Variants in WDR27 observed in about 807,000 individuals in gnomAD.
The protein encoded by WDR27 is WD repeat domain 27, also known as WD repeat-containing protein 27.
A neutral mutation model predicts 114.4 loss-of-function variants in WDR27; 100 were observed. The observed-to-expected ratio is 0.87, with a 90% confidence interval of 0.74 to 1.03. WDR27 has a LOEUF of 1.03. WDR27 is among the 50% of genes least tolerant of loss of function. The probability of loss-of-function intolerance (pLI) is 0.00; values close to 1 mark genes in which losing one functional copy is unlikely to be tolerated. For synonymous variants in WDR27, 449 were observed against 423.1 expected, an observed-to-expected ratio of 1.06 and a Z score of -0.75; for missense variants, 1,129 against 1,092.9, an observed-to-expected ratio of 1.03 and a Z score of -0.47.
chr6:169,502,345 C>CCGTA (rs1275076865), intron 25 of WDR27, among the ~76,000 whole-genome samples: 1 of 152,234 alleles, frequency 6.6e-6, no homozygotes, highest in East Asian at 1.9e-4. Context: ...ATGTGGCGTT[C>CCGTA]CGTACACGGA....
chr6:169,551,556 G>T (rs1456314938), intron 25 of WDR27, among the ~76,000 whole-genome samples: 1 of 151,932 alleles, frequency 6.6e-6, no homozygotes, highest in Non-Finnish European at 1.5e-5. Context: ...CCAACATGGT[G>T]AAACCCTGTC....
intron 7 of WDR27, 65 bp from the exon 8 acceptor site, chr6:169,664,351 A>G (rs897988184): frequency 1.7e-5 from 28 of 1,608,320 alleles, no homozygotes; most frequent in Middle Eastern, 1.7e-4. Flanking sequence ...AAGCAGCAAC[A>G]CCAGAGGTGG....
At chr6:169,630,915 A>ATAC (rs1816181110) in intron 21 of WDR27, among the ~76,000 whole-genome samples, 1 of 152,230 alleles carries the variant, frequency 6.6e-6, no homozygotes, top group African/African-American at 2.4e-5. Context: ...TCAATCAATA[A>ATAC]GGTGGGTATT....
In WDR27 at chr6:169,495,523, T is replaced by TAA. The variant is rs34665432; in HGVS notation, c.2646-37891_2646-37890dup. ...ACAAAAAGTTGATTCTTTGAAAAGA[T>TAA]AAAAAAAAACCTGACAAAGCTTTAG... On this transcript the variant is annotated intron_variant, in intron 25 of 25. Coordinates refer to ENST00000448612, the MANE Select transcript of WDR27 (RefSeq NM_182552.5). Among the ~76,000 whole-genome samples the TAA allele has an allele frequency of 4.4e-3, 655 of 149,934 alleles. 7 individuals are homozygous for TAA. Among genetic ancestry groups the TAA allele is most frequent in the East Asian group, 0.033 (169 of 5,158 alleles).
At chr6:169,696,602 G>A (rs1360340622) in intron 1 of WDR27, among the ~76,000 whole-genome samples, 3 of 152,178 alleles carry the variant, frequency 2.0e-5, no homozygotes, top group Non-Finnish European at 4.4e-5. Context: ...TGAAGCACAG[G>A]ACCCCTTCAT....
intron 25 of WDR27, among the ~76,000 whole-genome samples, chr6:169,551,751 AAAAAG>A (rs534831903): frequency 0.38 from 47,360 of 124,538 alleles, 10,336 homozygotes; most frequent in Non-Finnish European, 0.55. Context: ...AAAAAAAAAA[AAAAAG>A]AAAAAGAAAA....
Position 169,684,091 on chromosome 6 carries a change from G to C in WDR27, c.189+4726C>G, listed in dbSNP as rs80165798. On this transcript the variant is annotated intron_variant, in intron 2 of 25. Coordinates refer to ENST00000448612, the MANE Select transcript of WDR27 (RefSeq NM_182552.5). This position sits in a 1 kb window ranked among gnomAD's most constrained non-coding sequence, Gnocchi z 4.3. ...TGAATGTCACAACCCCAGTTGCATG[G>C]AGCCTGGGACCAGGATCGGCTGTTG... Among the ~76,000 whole-genome samples the C allele has an allele frequency of 0.011, 1,659 of 152,208 alleles. 25 individuals are homozygous for C. Among genetic ancestry groups the C allele is most frequent in the African/African-American group, 0.038 (1,590 of 41,526 alleles).
chr6:169,471,328 T>G (rs1464591658), intron 25 of WDR27, among the ~76,000 whole-genome samples: 1 of 152,102 alleles, frequency 6.6e-6, no homozygotes, highest in Non-Finnish European at 1.5e-5. Context: ...CCACAAGGCC[T>G]CAGGTTGGTT....
chr6:169,636,411 G>A lies in WDR27; in HGVS notation c.1963C>T (p.Leu655=), dbSNP rs374721963. ...LLSSGPEFQL[L]RYHIDTCKDE... ...TTGCAAGTGTCAATGTGATACCTCAGTAGCTGAAATTCAGGGCCAGAAGAT... is the reference window on the plus strand; with the variant it reads ...TTGCAAGTGTCAATGTGATACCTCAATAGCTGAAATTCAGGGCCAGAAGAT... Residue 655 remains leucine, a synonymous_variant, in exon 19 of 26, where the codon CTG becomes TTG. Transcript: ENST00000448612. The A allele has an allele frequency of 1.2e-5, 20 of 1,613,798 alleles. No homozygotes were observed. Among genetic ancestry groups the A allele is most frequent in the East Asian group, 6.7e-5 (3 of 44,880 alleles).
At chr6:169,453,473 G>C (rs1784235800), downstream of WDR27, among the ~76,000 whole-genome samples, 1 of 152,110 alleles carries the variant, frequency 6.6e-6, no homozygotes, top group African/African-American at 2.4e-5. Flanking sequence ...TCACATGCTG[G>C]GACACATTGC....
chr6:169,640,652 TCA>T (rs1255546834), intron 17 of WDR27, among the ~76,000 whole-genome samples: 4 of 152,242 alleles, frequency 2.6e-5, no homozygotes, highest in African/African-American at 7.2e-5. Context: ...TATCGCAGGT[TCA>T]CAGACACCTG....
intron 25 of WDR27, among the ~76,000 whole-genome samples, chr6:169,570,065 G>A (rs1801127763): frequency 1.3e-5 from 2 of 152,146 alleles, no homozygotes; most frequent in South Asian, 4.1e-4. Context: ...ACCACGGAAT[G>A]CCATTACCTC....
chr6:169,571,741 G>A (rs9478056), intron 25 of WDR27, among the ~76,000 whole-genome samples: 69,398 of 152,064 alleles, frequency 0.46, 19,804 homozygotes, highest in Non-Finnish European at 0.65. Context: ...AGGAAGCTGA[G>A]GTGGGAGCAT....
chr6:169,527,146 T>C (rs149618112), intron 25 of WDR27, among the ~76,000 whole-genome samples: 124 of 152,166 alleles, frequency 8.1e-4, no homozygotes, highest in African/African-American at 2.9e-3. Flanking sequence ...CTCCTACATA[T>C]ACACAAATAA....
intron 14 of WDR27, among the ~76,000 whole-genome samples, chr6:169,650,239 C>G (rs1821977060): frequency 6.8e-6 from 1 of 147,970 alleles, no homozygotes; most frequent in Non-Finnish European, 1.5e-5. Flanking sequence ...TCATCCATCC[C>G]TCATCTCTGC....
intron 16 of WDR27, among the ~76,000 whole-genome samples, chr6:169,645,695 G>T (rs1343597899): frequency 1.4e-5 from 2 of 143,638 alleles, no homozygotes; most frequent in East Asian, 4.3e-4. Context: ...AGTTCACAGG[G>T]TCACACTGTA....
intron 25 of WDR27, among the ~76,000 whole-genome samples, chr6:169,571,722 G>A (rs1177883421): frequency 7.9e-5 from 12 of 152,190 alleles, no homozygotes; most frequent in South Asian, 4.2e-4. Context: ...CTGCCAGTCC[G>A]AGCAACTCAG....
intron 25 of WDR27, among the ~76,000 whole-genome samples, chr6:169,542,272 A>C: frequency 6.6e-6 from 1 of 152,184 alleles, no homozygotes; most frequent in African/African-American, 2.4e-5. Context: ...TATAATAGGG[A>C]AATCTGATAA....
chr6:169,666,852 G>A, intron 6 of WDR27: 1 of 985,468 alleles, frequency 1.0e-6, no homozygotes, highest in South Asian at 4.7e-5. Flanking sequence ...CAACTTCCCT[G>A]GGTACTCAGG....
Sources: gnomAD v4.1 joint callset for allele counts (sites outside exome capture counted in the v4.1 genomes callset) on GRCh38, gnomAD v4.1.1 for gene constraint, Gnocchi (gnomAD v3.1) non-coding constraint, MANE v1.5 for transcripts, NCBI Gene and HGNC (gene_info 2026-07-23, HGNC 2026-07-21) for gene names.